RTTN: variants seen among roughly 807,000 people sequenced by gnomAD.
RTTN encodes rotatin.
A neutral mutation model predicts 269.2 loss-of-function variants in RTTN; 182 were observed. The ratio of observed to expected loss-of-function variants is 0.68; its 90% CI spans 0.60 to 0.76. The LOEUF is 0.76. Among genes scored for constraint, RTTN ranks in the 30% least tolerant of loss-of-function variants. RTTN has a pLI of 0.00. For synonymous variants in RTTN, 1,006 were observed against 963.5 expected, an observed-to-expected ratio of 1.04 and a Z score of -0.82; for missense variants, 2,545 against 2,608.6, an observed-to-expected ratio of 0.98 and a Z score of 0.53.
chr18:70,170,215 T>A (rs1244708046), intron 11 of RTTN, among the ~76,000 whole-genome samples: 1 of 152,194 alleles, frequency 6.6e-6, no homozygotes, highest in Admixed American at 6.5e-5. Flanking sequence ...AATTAGGCCT[T>A]ACTATGTTCC....
At position 70,166,998 on chromosome 18, in the gene RTTN, C is replaced by T. The variant is rs762132086; in HGVS notation, c.1723G>A (p.Ala575Thr). 2 of 1,613,146 alleles carry T rather than the reference C, an allele frequency of 1.2e-6. No individual in the cohort carries two copies. Among genetic ancestry groups the T allele is most frequent in the Non-Finnish European group, 1.7e-6 (2 of 1,179,330 alleles). ...GAAAAGCTACGCAAGGCTTGGTCTG[C>T]CAGCTCCACTAATTCTAAGAGATTC... Reference protein sequence around the residue: ...EKNLLELVELADQALRSFSYH... With the variant: ...EKNLLELVELTDQALRSFSYH... The change falls in exon 13 of 49, where the codon GCA becomes ACA. Residue 575 changes from alanine (A) to threonine (T), a missense_variant. By Grantham distance (58) the Ala-to-Thr change is moderately conservative. Coordinates refer to ENST00000640769, the MANE Select transcript of RTTN (RefSeq NM_173630.4).
chr18:70,188,664 C>T (rs1372770213), intron 9 of RTTN, among the ~76,000 whole-genome samples: 1 of 152,314 alleles, frequency 6.6e-6, no homozygotes, highest in Admixed American at 6.5e-5. Flanking sequence ...GCCTGGGAAG[C>T]TAAGCTTGGA....
chr18:70,166,315 C>G, intron 13 of RTTN, 127 bp from the exon 14 acceptor site: 1 of 862,062 alleles, frequency 1.2e-6, no homozygotes, highest in Non-Finnish European at 1.8e-6. Context: ...TTAAAAATAA[C>G]CAATACTAGC....
chr18:70,018,731 A>G (rs1476345792), intron 45 of RTTN, among the ~76,000 whole-genome samples: 5 of 151,804 alleles, frequency 3.3e-5, no homozygotes, highest in African/African-American at 1.2e-4. Context: ...AGCCAAACTG[A>G]CAGTTTTTAG....
chr18:70,119,609 T>C (rs2059685859), intron 26 of RTTN, among the ~76,000 whole-genome samples: 1 of 151,868 alleles, frequency 6.6e-6, no homozygotes, highest in African/African-American at 2.4e-5. Flanking sequence ...TATGAAAAAA[T>C]CTCCATCTAA....
At chr18:70,129,320 C>A (rs2059941556) in intron 23 of RTTN, 1 of 151,474 alleles carries the variant, frequency 6.6e-6, no homozygotes, top group Non-Finnish European at 1.5e-5. Flanking sequence ...TCCTAAATAG[C>A]CAAAACAATC....
At chr18:70,149,240 A>G (rs1033292609) in intron 16 of RTTN, among the ~76,000 whole-genome samples, 6 of 152,196 alleles carry the variant, frequency 3.9e-5, no homozygotes, top group African/African-American at 1.4e-4. Context: ...ACATACATAC[A>G]GGAGAACTTC....
At chr18:70,005,555 CT>C (rs2056159179) in intron 47 of RTTN, 1 of 266,716 alleles carries the variant, frequency 3.7e-6, no homozygotes. Context: ...CTATTTTAAA[CT>C]AGTCATCCTT....
At chr18:70,129,909 G>A (rs1231203668) in intron 23 of RTTN, 2 of 142,006 alleles carry the variant, frequency 1.4e-5, no homozygotes, top group Non-Finnish European at 1.5e-5. Context: ...AATATATAAG[G>A]AACTCAAACA....
chr18:70,147,411 A>G (rs1291878920), intron 17 of RTTN, among the ~76,000 whole-genome samples: 1 of 152,164 alleles, frequency 6.6e-6, no homozygotes, highest in African/African-American at 2.4e-5. Context: ...AGCCTAGGTT[A>G]TGTATGTAGT....
chr18:70,192,294 T>C (rs1044481215), intron 8 of RTTN, among the ~76,000 whole-genome samples: 2 of 152,154 alleles, frequency 1.3e-5, no homozygotes, highest in South Asian at 2.1e-4. Context: ...AAGAGACTAA[T>C]ATGTTTCTAA....
chr18:70,193,195 AAG>A (rs1268668705), intron 8 of RTTN, 91 bp downstream of exon 8: 10 of 1,237,962 alleles, frequency 8.1e-6, no homozygotes, highest in East Asian at 2.5e-5. Flanking sequence ...AAAAAAAAAA[AAG>A]GACAGAAAAA....
chr18:70,072,765 A>G (rs554030990), intron 34 of RTTN, among the ~76,000 whole-genome samples: 15 of 152,276 alleles, frequency 9.9e-5, no homozygotes, highest in African/African-American at 3.1e-4. Flanking sequence ...GCACACTTTC[A>G]TGCTGTCCTT....
intron 11 of RTTN, among the ~76,000 whole-genome samples, chr18:70,173,954 A>G (rs530137489): frequency 1.9e-4 from 29 of 152,300 alleles, no homozygotes; most frequent in African/African-American, 6.5e-4. Flanking sequence ...AAACAGGCCA[A>G]TTGATCTATA....
In RTTN at chr18:70,204,125, G is replaced by C; in HGVS notation, c.358C>G (p.Pro120Ala). The change falls in exon 3 of 49, where the codon CCT becomes GCT. Residue 120 changes from proline (P) to alanine (A), a missense_variant. Pro to Ala is a conservative substitution (Grantham distance 27, BLOSUM62 -1). Transcript: ENST00000640769. ...TGGTATGAGGCAGAAGATAGTGCAG[G>C]AACTTCCGAAGGAAGAAGAAAAAGT... is the stretch of plus-strand genomic sequence containing the variant. ...DGLFLLPSEV[P>A]ALSSASYQTN... 1 of 1,613,866 alleles carries C rather than the reference G, an allele frequency of 6.2e-7. No homozygotes were observed. The highest frequency in any genetic ancestry group is 8.5e-7 in the Non-Finnish European group (1 of 1,179,828).
intron 40 of RTTN, among the ~76,000 whole-genome samples, chr18:70,041,647 A>G (rs1444166938): frequency 1.3e-5 from 2 of 152,050 alleles, no homozygotes; most frequent in East Asian, 3.9e-4. Flanking sequence ...TAACTAAGCC[A>G]CTCTTCCTCC....
At chr18:70,128,158 A>C (rs1249406252) in intron 24 of RTTN, 200 bp downstream of exon 24, 1 of 522,330 alleles carries the variant, frequency 1.9e-6, no homozygotes, top group African/African-American at 1.9e-5. Flanking sequence ...TTTTTCATTT[A>C]AAGTTTTCCC....
At chr18:70,139,301 A>C (rs1410938369) in intron 21 of RTTN, among the ~76,000 whole-genome samples, 2 of 152,334 alleles carry the variant, frequency 1.3e-5, no homozygotes, top group African/African-American at 4.8e-5. Context: ...CAGCAGCTGC[A>C]ACTTTCTCTC....
chr18:70,110,882 G>A (rs1466178304), intron 27 of RTTN, among the ~76,000 whole-genome samples: 5 of 152,338 alleles, frequency 3.3e-5, no homozygotes, highest in South Asian at 2.1e-4. Flanking sequence ...GTGAGGGGAC[G>A]GGCGTCCGCC....
Sources: allele counts gnomAD v4.1 joint callset (sites outside exome capture counted in the v4.1 genomes callset), GRCh38; gene constraint gnomAD v4.1.1; transcripts MANE v1.5; gene names NCBI Gene and HGNC (gene_info 2026-07-23, HGNC 2026-07-21).